Variants in RNASEL observed in about 807,000 individuals in gnomAD.
RNASEL encodes 2-5A-dependent ribonuclease.
Under a neutral mutation model 50.9 loss-of-function variants are expected in RNASEL, and 36 were observed. The observed-to-expected ratio is 0.71, with a 90% CI of 0.54 to 0.93. The LOEUF (loss-of-function observed/expected upper bound fraction) is 0.93. RNASEL is among the 40% of genes least tolerant of loss of function. The pLI is 0.00. For synonymous variants in RNASEL, 335 were observed against 335.6 expected, an observed-to-expected ratio of 1.00 and a Z score of 0.02; for missense variants, 860 against 894.5, an observed-to-expected ratio of 0.96 and a Z score of 0.49.
Position 182,575,195 on chromosome 1 carries a change from C to T in RNASEL, c.*197G>A. 1 of 604,548 alleles carries T rather than the reference C, an allele frequency of 1.7e-6. No individual in the cohort carries two copies. The highest frequency in any genetic ancestry group is 4.5e-4 in the Middle Eastern group (1 of 2,246). 37.4% of individuals were successfully genotyped at this position (604,548 alleles called of 1,614,324 possible). ...ATGTCCTCCCAGTTAGTGGGTAAAG[C>T]TTATGGACTAGTGTAGTCTGGGTAT... is the stretch of plus-strand genomic sequence containing the variant. On this transcript the variant is annotated 3_prime_UTR_variant, in exon 7 of 7. Coordinates refer to ENST00000367559, the MANE Select transcript of RNASEL (RefSeq NM_021133.4).
chr1:182,574,472 T>G lies in RNASEL; in HGVS notation c.*920A>C, dbSNP rs971384434. The G allele has an allele frequency of 4.3e-6, 1 of 231,084 alleles. No individual in the cohort carries two copies. The highest frequency in any genetic ancestry group is 8.6e-6 in the Non-Finnish European group (1 of 116,830). The allele number at this position is 231,084 out of a possible 1,614,324, so 14.3% of individuals were successfully genotyped here. On this transcript the variant is annotated 3_prime_UTR_variant, in exon 7 of 7. Transcript: ENST00000367559. ...TCTGAGTCCCTCCTCTGTGGGGTGG[T>G]CCACACACTCCACAGTCCTGGGCCT...
intron 2 of RNASEL, among the ~76,000 whole-genome samples, chr1:182,585,083 T>C (rs1300533101): frequency 6.6e-6 from 1 of 152,230 alleles, no homozygotes; most frequent in Non-Finnish European, 1.5e-5. Context: ...ATTTTGCCAA[T>C]GGCAATCTAA....
intron 2 of RNASEL, 132 bp from the exon 3 acceptor site, chr1:182,584,298 C>A (rs1476920150): frequency 2.9e-6 from 2 of 700,854 alleles, no homozygotes; most frequent in Admixed American, 2.1e-5. Flanking sequence ...AACCTTATAT[C>A]TGTATTTGCC....
intron 5 of RNASEL, 51 bp downstream of exon 5, chr1:182,581,174 C>A (rs538587758): frequency 6.2e-7 from 1 of 1,613,164 alleles, no homozygotes. Flanking sequence ...TAAAACATTA[C>A]ACAAATTCTT....
intron 3 of RNASEL, 148 bp downstream of exon 3, chr1:182,583,933 T>A: frequency 1.5e-6 from 1 of 684,524 alleles, no homozygotes; most frequent in Admixed American, 2.1e-5. Flanking sequence ...GACTTTATGT[T>A]GTGACCGTGT....
chr1:182,575,510 A>G lies in RNASEL; in HGVS notation c.2108T>C (p.Val703Ala). Residue 703 changes from valine to alanine, a missense_variant, in exon 7 of 7, where the codon GTC becomes GCC. Transcript: ENST00000367559. ...QKTFPDLVIY[V>A]YTKLQNTEYR... ...TTCTGTGTTCTGTAGTTTTGTGTAG[A>G]CATAGATCACCAGATCTGGAAATGT... The G allele has an allele frequency of 6.2e-7, 1 of 1,614,172 alleles. No homozygotes were observed. Among genetic ancestry groups the G allele is most frequent in the South Asian group, 1.1e-5 (1 of 91,090 alleles).
intron 1 of RNASEL, among the ~76,000 whole-genome samples, chr1:182,588,867 A>G (rs1661648325): frequency 6.6e-6 from 1 of 152,206 alleles, no homozygotes; most frequent in Admixed American, 6.5e-5. Context: ...TAGAGAAGAG[A>G]CGAGCCTGCG....
chr1:182,586,526 G>C lies in RNASEL; in HGVS notation c.281C>G (p.Thr94Arg), dbSNP rs141809307. 1.9e-6 allele frequency: 3 copies of C among 1,609,898 alleles called. No individual in the cohort carries two copies. The highest frequency in any genetic ancestry group is 2.5e-6 in the Non-Finnish European group (3 of 1,177,140). ...CGCAATCGCTGCGAGGATAAAAGGC[G>C]TGGCCCCATTCTTCTTCCTCAGAAC... ...DPVLRKKNGATPFILAAIAGS... is the reference protein window; with the variant it reads ...DPVLRKKNGARPFILAAIAGS... The change falls in exon 2 of 7, where the codon ACG (threonine) becomes AGG (arginine). Residue 94 changes from threonine to arginine, a missense_variant. Physicochemically the swap from Thr to Arg is moderately conservative, Grantham distance 71. Transcript: ENST00000367559.
At chr1:182,576,111 G>C (rs1661373052) in intron 6 of RNASEL, 145 bp downstream of exon 6, 1 of 732,036 alleles carries the variant, frequency 1.4e-6, no homozygotes, top group African/African-American at 1.8e-5. Context: ...AACAGTGATA[G>C]CCCTTTTACA....
chr1:182,582,685 G>A (rs774361360), intron 3 of RNASEL, among the ~76,000 whole-genome samples: 3 of 152,204 alleles, frequency 2.0e-5, no homozygotes, highest in Non-Finnish European at 4.4e-5. Context: ...GAGGCAAAGT[G>A]ATGACCCCAG....
intron 5 of RNASEL, chr1:182,579,761 AAGTT>A: frequency 8.6e-7 from 1 of 1,165,028 alleles, no homozygotes; most frequent in Non-Finnish European, 1.1e-6. Flanking sequence ...ATAAAAGAAC[AAGTT>A]CCTCTTTCCA....
chr1:182,584,070 G>C lies in RNASEL; in HGVS notation c.1566+11C>G. 1 of 1,596,150 alleles carries C rather than the reference G, an allele frequency of 6.3e-7. No individual in the cohort carries two copies. On this transcript the variant is annotated intron_variant, in intron 3 of 6. Coordinates refer to ENST00000367559, the MANE Select transcript of RNASEL (RefSeq NM_021133.4). The stretch of plus-strand genomic sequence containing the variant: ...AGAAAGAAGAAAGGTAAACTGGATT[G>C]TAGAATTTACCTCTAGATCTCTCTT...
chr1:182,585,239 G>A (rs1661569185), intron 2 of RNASEL, 88 bp downstream of exon 2: 1 of 1,274,466 alleles, frequency 7.8e-7, no homozygotes, highest in African/African-American at 1.5e-5. Context: ...ATTTACTCTA[G>A]GCCTTTCCTC....
rs2102370420 is a variant in RNASEL, at chr1:182,585,636, C to T, written c.1171G>A (p.Val391Met). Residue 391 changes from valine to methionine, a missense_variant, in exon 2 of 7, where the codon GTG (valine) becomes ATG (methionine). Val to Met is a conservative substitution (Grantham distance 21, BLOSUM62 1). Coordinates refer to ENST00000367559, the MANE Select transcript of RNASEL (RefSeq NM_021133.4). ...GGGCTGCCCTCACAGAACGTCTTCA[C>T]AGCTACTTCTTGCTTCTCATAGAAC... is the stretch of plus-strand genomic sequence containing the variant. ...LGFYEKQEVA[V>M]KTFCEGSPRA... The T allele has an allele frequency of 5.6e-6, 9 of 1,614,214 alleles. No homozygotes were observed. The highest frequency in any genetic ancestry group is 7.6e-6 in the Non-Finnish European group (9 of 1,180,042).
chr1:182,577,350 G>A (rs979261137), intron 5 of RNASEL, among the ~76,000 whole-genome samples: 7 of 152,190 alleles, frequency 4.6e-5, no homozygotes, highest in Admixed American at 2.0e-4. Flanking sequence ...TACTAGGAAA[G>A]TCGTTCATTA....
chr1:182,575,712 G>A, intron 6 of RNASEL, 134 bp from the exon 7 acceptor site: 1 of 1,138,234 alleles, frequency 8.8e-7, no homozygotes, highest in Non-Finnish European at 1.3e-6. Flanking sequence ...GAATCTGACA[G>A]AGCAAGACTC....
intron 6 of RNASEL, 121 bp from the exon 7 acceptor site, chr1:182,575,699 T>C: frequency 7.6e-7 from 1 of 1,321,528 alleles, no homozygotes; most frequent in Non-Finnish European, 1.1e-6. Flanking sequence ...AATAAGGACT[T>C]TGGAATCTGA....
At chr1:182,584,297 T>C in intron 2 of RNASEL, 131 bp from the exon 3 acceptor site, 1 of 708,110 alleles carries the variant, frequency 1.4e-6, no homozygotes, top group South Asian at 1.5e-5. Context: ...AAACCTTATA[T>C]CTGTATTTGC....
In RNASEL at chr1:182,584,083, C is replaced by T. The variant is rs1425628713; in HGVS notation, c.1564G>A (p.Glu522Lys). The change falls in exon 3 of 7, where the codon GAG becomes AAG. Residue 522 changes from glutamate to lysine, a missense_variant and splice_region_variant. By Grantham distance (56) the Glu-to-Lys change is moderately conservative. Transcript: ENST00000367559. ...GDPQEVKRDL[E>K]DLGRLVLYVV... is the part of the protein sequence containing the mutation. The stretch of plus-strand genomic sequence containing the variant: ...GTAAACTGGATTGTAGAATTTACCT[C>T]TAGATCTCTCTTGACTTCCTGTGGA... 1.2e-6 allele frequency: 2 copies of T among 1,610,376 alleles called. No individual in the cohort carries two copies. The highest frequency in any genetic ancestry group is 3.3e-5 in the Admixed American group (2 of 60,012).
Sources: gnomAD v4.1 joint callset for allele counts (sites outside exome capture counted in the v4.1 genomes callset) on GRCh38, gnomAD v4.1.1 for gene constraint, MANE v1.5 for transcripts, NCBI Gene and HGNC (gene_info 2026-07-23, HGNC 2026-07-21) for gene names.